The following HDGFL3 variants were observed in gnomAD, a reference collection of about 807,000 sequenced individuals.
HDGFL3 encodes HDGF like 3.
In HDGFL3, 6 loss-of-function variants were observed where a neutral mutation model predicts 27.6. The observed-to-expected ratio is 0.22, with a 90% CI of 0.12 to 0.43. The LOEUF (loss-of-function observed/expected upper bound fraction) is 0.43, where lower values mean the gene tolerates loss of function less well. HDGFL3 is among the 20% of genes least tolerant of loss of function. The pLI, the probability that HDGFL3 is intolerant of heterozygous loss-of-function variation, is 1.00. For synonymous variants in HDGFL3, 88 were observed against 88.9 expected (o/e 0.99, Z 0.05); for missense variants, 207 against 250.1 (o/e 0.83, Z 1.16).
At chr15:83,194,899 A>T (rs897466961) in intron 1 of HDGFL3, among the ~76,000 whole-genome samples, 1 of 152,256 alleles carries the variant, frequency 6.6e-6, no homozygotes, top group Non-Finnish European at 1.5e-5. Flanking sequence ...AGGTACTATC[A>T]TTTAAATTTT....
intron 1 of HDGFL3, among the ~76,000 whole-genome samples, chr15:83,193,219 T>TCC (rs2151420699): frequency 6.6e-6 from 1 of 152,300 alleles, no homozygotes; most frequent in South Asian, 2.1e-4. Flanking sequence ...AACATATGAT[T>TCC]AAGTCCTACA....
At chr15:83,127,292 G>A (rs1471207032), downstream of HDGFL3, 3 of 1,453,476 alleles carry the variant, frequency 2.1e-6, no homozygotes, top group African/African-American at 4.4e-5. Context: ...TTACTTTTTT[G>A]TACTTTTTAG....
At chr15:83,125,318 G>A (rs2035641498), downstream of HDGFL3, among the ~76,000 whole-genome samples, 1 of 152,160 alleles carries the variant, frequency 6.6e-6, no homozygotes, top group African/African-American at 2.4e-5. Context: ...GGGCACATGG[G>A]CATTTCATGT....
Position 83,140,488 on chromosome 15 carries a change from T to TG in HDGFL3, c.607-1214_607-1213insC, listed in dbSNP as rs1391157134. The stretch of plus-strand genomic sequence containing the variant: ...GTTAGTCAACCAAAGAAAGTTTTTT[T>TG]TTTTTTTTTTTGAGACAGAGTCTCG... On this transcript the variant is annotated intron_variant, in intron 5 of 5. Transcript: ENST00000299633. Among the ~76,000 whole-genome samples, 12 of 149,590 alleles carry TG rather than the reference T, an allele frequency of 8.0e-5. No individual in the cohort carries two copies. The East Asian group carries it at 2.2e-3, about 27-fold the overall frequency.
chr15:83,171,020 G>A (rs2037240304), intron 1 of HDGFL3, among the ~76,000 whole-genome samples: 1 of 151,922 alleles, frequency 6.6e-6, no homozygotes, highest in South Asian at 2.1e-4. Flanking sequence ...ACCACAATGA[G>A]ATACTATCTC....
chr15:83,196,367 T>G (rs773455143), intron 1 of HDGFL3, among the ~76,000 whole-genome samples: 4 of 151,952 alleles, frequency 2.6e-5, no homozygotes, highest in Non-Finnish European at 5.9e-5. Flanking sequence ...TTAAAATAGT[T>G]AAAAAGGATA....
intron 3 of HDGFL3, chr15:83,122,063 A>T (rs1241378717): frequency 1.5e-6 from 2 of 1,304,946 alleles, no homozygotes; most frequent in East Asian, 4.6e-5. Context: ...CTTGTTTTTA[A>T]ATAGAGAAGC....
intron 4 of HDGFL3, among the ~76,000 whole-genome samples, chr15:83,154,527 C>T (rs1003037253): frequency 3.3e-5 from 5 of 152,108 alleles, no homozygotes; most frequent in South Asian, 4.1e-4. Context: ...AATAGAAATT[C>T]TGGGGATGGG....
rs1228787657 is a variant in HDGFL3, at chr15:83,135,913, G to A, written c.*3357C>T. 1 of 152,036 alleles carries A rather than the reference G, an allele frequency of 6.6e-6. No homozygotes were observed. Among genetic ancestry groups the A allele is most frequent in the African/African-American group, 2.4e-5 (1 of 41,400 alleles). The allele number at this position is 152,036 out of a possible 1,614,324, so 9.4% of individuals were successfully genotyped here. A position where few individuals can be genotyped will look rare whatever the true frequency, so the allele number is the denominator to read the frequency against. ...AGAAAAAACAAATACATGAATAAAT[G>A]AATAAACAAAAAACACATAGGGAAA... On this transcript the variant is annotated 3_prime_UTR_variant, in exon 6 of 6. Coordinates refer to ENST00000299633, the MANE Select transcript of HDGFL3 (RefSeq NM_016073.4).
intron 3 of HDGFL3, chr15:83,119,508 C>A: frequency 1.4e-6 from 2 of 1,443,430 alleles, no homozygotes; most frequent in Admixed American, 1.8e-5. Flanking sequence ...ATTTTACTTG[C>A]AATACAGGTC....
chr15:83,156,807 C>G (rs1324890927), intron 4 of HDGFL3, among the ~76,000 whole-genome samples: 1 of 152,116 alleles, frequency 6.6e-6, no homozygotes, highest in Non-Finnish European at 1.5e-5. Context: ...CATTCTCCCA[C>G]CTCAGCCTCA....
At chr15:83,158,394 C>A (rs1316430835) in intron 2 of HDGFL3, among the ~76,000 whole-genome samples, 2 of 152,152 alleles carry the variant, frequency 1.3e-5, no homozygotes, top group Non-Finnish European at 2.9e-5. Context: ...CTATGTTAAT[C>A]TTACCACAGG....
intron 5 of HDGFL3, among the ~76,000 whole-genome samples, chr15:83,150,936 T>C (rs2036956330): frequency 2.0e-5 from 3 of 152,196 alleles, no homozygotes; most frequent in Admixed American, 1.3e-4. Flanking sequence ...AATTTCAGTA[T>C]TTCACATTGT....
intron 2 of HDGFL3, among the ~76,000 whole-genome samples, chr15:83,162,206 A>C (rs2037110134): frequency 6.6e-6 from 1 of 152,218 alleles, no homozygotes; most frequent in African/African-American, 2.4e-5. Context: ...AGAAACACTG[A>C]CATAATTTCT....
chr15:83,172,680 A>G (rs1273093670), intron 1 of HDGFL3, among the ~76,000 whole-genome samples: 1 of 152,050 alleles, frequency 6.6e-6, no homozygotes, highest in African/African-American at 2.4e-5. Flanking sequence ...TCTACTAAAA[A>G]TACAAAACCT....
intron 1 of HDGFL3, among the ~76,000 whole-genome samples, chr15:83,184,351 C>A (rs953723777): frequency 1.3e-5 from 2 of 152,072 alleles, no homozygotes; most frequent in African/African-American, 4.8e-5. Context: ...ATTTATCAGT[C>A]CAAAAGGAAA....
intron 1 of HDGFL3, among the ~76,000 whole-genome samples, chr15:83,176,708 T>C (rs1379266023): frequency 6.6e-6 from 1 of 152,184 alleles, no homozygotes; most frequent in Non-Finnish European, 1.5e-5. Context: ...TTGATGCATA[T>C]TTTAAGAGAT....
chr15:83,165,850 A>C (rs1294475738), intron 1 of HDGFL3, among the ~76,000 whole-genome samples: 1 of 151,592 alleles, frequency 6.6e-6, no homozygotes, highest in Non-Finnish European at 1.5e-5. Flanking sequence ...AGATGGAAGA[A>C]TTCCAGAGCT....
chr15:83,140,782 C>T (rs914719370), intron 5 of HDGFL3, among the ~76,000 whole-genome samples: 10 of 152,012 alleles, frequency 6.6e-5, no homozygotes, highest in African/African-American at 1.5e-4. Context: ...CGTGCCTGGC[C>T]GAAACCTTCT....
Sources: gnomAD v4.1 joint callset for allele counts (sites outside exome capture counted in the v4.1 genomes callset) on GRCh38, gnomAD v4.1.1 for gene constraint, MANE v1.5 for transcripts, NCBI Gene and HGNC (gene_info 2026-07-23, HGNC 2026-07-21) for gene names.